The following DGKI variants were observed in gnomAD, a reference collection of about 807,000 sequenced individuals.
DGKI encodes diacylglycerol kinase iota.
In DGKI, 55 loss-of-function variants were observed where a neutral mutation model predicts 147.5. The observed-to-expected ratio is 0.37, with a 90% CI of 0.30 to 0.47. The LOEUF (loss-of-function observed/expected upper bound fraction) is 0.47. Among genes scored for constraint, DGKI ranks in the 20% least tolerant of loss-of-function variants. The pLI is 1.00. For synonymous variants in DGKI, 469 were observed against 477.1 expected (o/e 0.98, Z 0.22); for missense variants, 1,007 against 1,323.8 (o/e 0.76, Z 3.71).
intron 1 of DGKI, among the ~76,000 whole-genome samples, chr7:137,822,356 G>A (rs1016893079): frequency 7.9e-5 from 12 of 152,026 alleles, no homozygotes; most frequent in African/African-American, 2.7e-4. Context: ...GCAGTGAGCC[G>A]AGATCACTCC....
At position 137,432,411 on chromosome 7, in the gene DGKI, T is replaced by C. The variant is rs75942007; in HGVS notation, c.2761+11666A>G. 2.1e-3 allele frequency among the ~76,000 whole-genome samples: 323 copies of C among 152,316 alleles called. 2 individuals carry two copies. Among genetic ancestry groups the C allele is most frequent in the Non-Finnish European group, 3.7e-3 (254 of 68,024 alleles). On this transcript the variant is annotated intron_variant, in intron 28 of 32. Coordinates refer to ENST00000614521, the MANE Select transcript of DGKI (RefSeq NM_001321708.2). ...TGAGGTCTATTTATAAAAAAATCTATATGCCCATTTTTTGGCTGTCTGACA... is the reference window on the plus strand; with the variant it reads ...TGAGGTCTATTTATAAAAAAATCTACATGCCCATTTTTTGGCTGTCTGACA...
Position 137,387,173 on chromosome 7 carries a change from T to A in DGKI, c.*4047A>T, listed in dbSNP as rs938297834. The A allele has an allele frequency of 1.3e-5, 2 of 152,088 alleles. No homozygotes were observed. Among genetic ancestry groups the A allele is most frequent in the Non-Finnish European group, 2.9e-5 (2 of 68,002 alleles). The allele number at this position is 152,088 out of a possible 1,614,324, so 9.4% of individuals were successfully genotyped here. ...AGTGTTAGTGTTACAAACAGCCTTG[T>A]AAAGTGGTGTAAGCATCACAGAGGA... is the stretch of plus-strand genomic sequence containing the variant. On this transcript the variant is annotated 3_prime_UTR_variant, in exon 33 of 33. Coordinates refer to ENST00000614521, the MANE Select transcript of DGKI (RefSeq NM_001321708.2).
chr7:137,397,911 C>T (rs904248809), intron 30 of DGKI, among the ~76,000 whole-genome samples: 24 of 152,190 alleles, frequency 1.6e-4, no homozygotes, highest in African/African-American at 4.6e-4. Flanking sequence ...TATGCATATA[C>T]ATCAAATGAC....
chr7:137,609,099 T>C (rs1014825306), intron 9 of DGKI, 35 bp from the exon 10 acceptor site: 4 of 1,574,676 alleles, frequency 2.5e-6, no homozygotes, highest in African/African-American at 2.7e-5. Flanking sequence ...AGGATACACA[T>C]CCATGGCTTG....
At chr7:137,425,514 A>G (rs1812763348) in intron 28 of DGKI, among the ~76,000 whole-genome samples, 1 of 152,248 alleles carries the variant, frequency 6.6e-6, no homozygotes, top group African/African-American at 2.4e-5. Context: ...AAAGGAATGC[A>G]GTTCCTCACC....
At position 137,495,737 on chromosome 7, in the gene DGKI, G is replaced by A. The variant is rs115394503; in HGVS notation, c.2249-8048C>T. On this transcript the variant is annotated intron_variant, in intron 21 of 32. Transcript: ENST00000614521. ...TGATCATCTCAACAGATGTAGAAAG[G>A]GCTTTTGACAAAATTCAACATCCCT... Among the ~76,000 whole-genome samples, 1,151 of 151,986 alleles carry A rather than the reference G, an allele frequency of 7.6e-3. 11 individuals are homozygous for A. Among genetic ancestry groups the A allele is most frequent in the African/African-American group, 0.026 (1,096 of 41,478 alleles).
intron 28 of DGKI, among the ~76,000 whole-genome samples, chr7:137,421,663 G>A (rs1414025387): frequency 6.6e-6 from 1 of 152,180 alleles, no homozygotes; most frequent in Non-Finnish European, 1.5e-5. Context: ...TTGCTTATCT[G>A]TTGTTGTGAA....
intron 32 of DGKI, among the ~76,000 whole-genome samples, chr7:137,394,652 T>A (rs1811483219): frequency 1.3e-5 from 2 of 152,196 alleles, no homozygotes. Flanking sequence ...TTGGCATACA[T>A]GTCACAGTAC....
At chr7:137,450,826 C>T (rs1326029541) in intron 27 of DGKI, among the ~76,000 whole-genome samples, 2 of 151,160 alleles carry the variant, frequency 1.3e-5, no homozygotes, top group Non-Finnish European at 2.9e-5. Flanking sequence ...TTTACTCTTC[C>T]ATGAATCTTG....
At chr7:137,631,159 G>C (rs1300376282) in intron 6 of DGKI, among the ~76,000 whole-genome samples, 1 of 152,182 alleles carries the variant, frequency 6.6e-6, no homozygotes, top group Non-Finnish European at 1.5e-5. Context: ...CTCGTTGATT[G>C]CAGAAAATGC....
intron 13 of DGKI, 140 bp from the exon 14 acceptor site, chr7:137,585,486 G>T: frequency 2.2e-6 from 2 of 911,672 alleles, no homozygotes; most frequent in Non-Finnish European, 1.6e-6. Flanking sequence ...TTTTTACCTT[G>T]AGGTACTTAG....
chr7:137,533,022 G>T (rs534561054), intron 20 of DGKI, among the ~76,000 whole-genome samples: 1 of 152,226 alleles, frequency 6.6e-6, no homozygotes, highest in South Asian at 2.1e-4. Flanking sequence ...GGGTCAGTTG[G>T]GGCCAGGTGC....
chr7:137,527,466 A>G (rs1007664660), intron 20 of DGKI, among the ~76,000 whole-genome samples: 1 of 152,174 alleles, frequency 6.6e-6, no homozygotes, highest in Non-Finnish European at 1.5e-5. Context: ...ACAATAATGC[A>G]AGTAGGGATG....
chr7:137,789,656 G>A (rs1017718959), intron 1 of DGKI, among the ~76,000 whole-genome samples: 1 of 152,192 alleles, frequency 6.6e-6, no homozygotes, highest in Non-Finnish European at 1.5e-5. Flanking sequence ...ACACTTGGCT[G>A]CCTGAATGGT....
At chr7:137,405,691 A>G (rs975311707) in intron 30 of DGKI, among the ~76,000 whole-genome samples, 15 of 152,154 alleles carry the variant, frequency 9.9e-5, no homozygotes, top group African/African-American at 3.4e-4. Context: ...AGAACTTCCC[A>G]GCTTAGCTTC....
intron 20 of DGKI, among the ~76,000 whole-genome samples, chr7:137,543,599 C>T (rs1026177321): frequency 1.3e-5 from 2 of 152,032 alleles, no homozygotes; most frequent in African/African-American, 4.8e-5. Flanking sequence ...GCTTCAAGAG[C>T]AGCATAAAGA....
Position 137,619,811 on chromosome 7 carries a change from T to C in DGKI, c.993+13A>G. 6.2e-7 allele frequency: 1 copy of C among 1,600,216 alleles called. No individual in the cohort carries two copies. The highest frequency in any genetic ancestry group is 1.8e-4 in the Middle Eastern group (1 of 5,550). ...CTGCACTGGCCCAGCAGCACCAGAG[T>C]CCTGGCAGTTACCTGAGGTTTCTTC... On this transcript the variant is annotated intron_variant, in intron 8 of 32. Transcript: ENST00000614521.
Position 137,444,104 on chromosome 7 carries a change from T to C in DGKI, c.2736-2A>G. The C allele has an allele frequency of 6.8e-7, 1 of 1,471,656 alleles. No homozygotes were observed. The highest frequency in any genetic ancestry group is 9.3e-7 in the Non-Finnish European group (1 of 1,074,786). 91.2% of individuals were successfully genotyped at this position (1,471,656 alleles called of 1,614,324 possible). ...TGATCTTCTGAAGAGACTGGTGACC[T>C]AAAAGGAAATAATAAGCATGATCAA... On this transcript the variant is annotated splice_acceptor_variant, in intron 27 of 32. Transcript: ENST00000614521. LOFTEE classifies it high-confidence loss of function.
In DGKI at chr7:137,450,673, G is replaced by A. The variant is rs188068479; in HGVS notation, c.2736-6571C>T. On this transcript the variant is annotated intron_variant, in intron 27 of 32. Coordinates refer to ENST00000614521, the MANE Select transcript of DGKI (RefSeq NM_001321708.2). ...GGAGGCAGAGGTTGCAGTGAGCCAA[G>A]ATTGCACCGTTGCACTCCTGCCTGG... Among the ~76,000 whole-genome samples the A allele has an allele frequency of 5.4e-4, 82 of 152,250 alleles. 1 individual carries two copies. In the East Asian group the frequency reaches 0.013, roughly 23 times the overall value.
Sources: gnomAD v4.1 joint callset for allele counts (sites outside exome capture counted in the v4.1 genomes callset) on GRCh38, gnomAD v4.1.1 for gene constraint, MANE v1.5 for transcripts, NCBI Gene and HGNC (gene_info 2026-07-23, HGNC 2026-07-21) for gene names.